Variants in DCC observed in about 807,000 individuals in gnomAD.
The protein encoded by DCC is DCC netrin 1 receptor, also known as netrin receptor DCC.
DCC carries 58 observed loss-of-function variants against 172.5 expected under a neutral mutation model. The ratio of observed to expected loss-of-function variants is 0.34; its 90% confidence interval spans 0.27 to 0.42. DCC has a LOEUF of 0.42. DCC is among the 10% of genes least tolerant of loss of function. DCC has a pLI of 1.00. For synonymous variants in DCC, 709 were observed against 644.5 expected (o/e 1.10, Z -1.52); for missense variants, 1,740 against 1,791.0 (o/e 0.97, Z 0.51).
rs557064781 is a variant in DCC at position 53,047,938 on chromosome 18, T to A, written c.986-15367T>A. Among the ~76,000 whole-genome samples the A allele has an allele frequency of 3.3e-5, 5 of 151,442 alleles. No individual in the cohort carries two copies. In the South Asian group the frequency reaches 8.4e-4, roughly 25 times the overall value. ...GTGTGTGTGTGTGTGTGTGTATAGT[T>A]TATGTATTTAAAATTGTTTTTAATG... is the stretch of plus-strand genomic sequence containing the variant. On this transcript the variant is annotated intron_variant, in intron 5 of 28. Coordinates refer to ENST00000442544, the MANE Select transcript of DCC (RefSeq NM_005215.4).
intron 5 of DCC, among the ~76,000 whole-genome samples, chr18:53,060,077 C>T (rs980163399): frequency 2.0e-5 from 3 of 149,320 alleles, no homozygotes; most frequent in Non-Finnish European, 3.0e-5. Context: ...AATAGCGGCT[C>T]ACTGCAAACT....
intron 5 of DCC, among the ~76,000 whole-genome samples, chr18:52,952,028 T>C (rs2040656404): frequency 6.6e-6 from 1 of 152,158 alleles, no homozygotes; most frequent in African/African-American, 2.4e-5. Context: ...TGTGAGGAAG[T>C]TTATATGATT....
intron 1 of DCC, among the ~76,000 whole-genome samples, chr18:52,685,151 A>G (rs891882975): frequency 1.3e-5 from 2 of 152,180 alleles, no homozygotes; most frequent in Non-Finnish European, 2.9e-5. Context: ...TCTAAGAATT[A>G]AATAATAAAC....
intron 1 of DCC, among the ~76,000 whole-genome samples, chr18:52,509,839 C>G (rs1598875545): frequency 1.3e-5 from 2 of 152,172 alleles, no homozygotes. Context: ...CACGGTGGCT[C>G]ACGTCTGTAA....
At chr18:52,901,143 C>T (rs1350394418) in intron 2 of DCC, among the ~76,000 whole-genome samples, 1 of 151,984 alleles carries the variant, frequency 6.6e-6, no homozygotes, top group Non-Finnish European at 1.5e-5. Context: ...TTAAAAATAA[C>T]CATCATGGGC....
At chr18:52,761,426 G>A (rs1293854822) in intron 2 of DCC, among the ~76,000 whole-genome samples, 2 of 152,174 alleles carry the variant, frequency 1.3e-5, no homozygotes, top group Non-Finnish European at 2.9e-5. Context: ...GTAGAGGTAA[G>A]AGAATAAATC....
intron 7 of DCC, among the ~76,000 whole-genome samples, chr18:53,085,998 C>CTTATTATTATTATTATTATTATTA (rs2042876885): frequency 1.2e-4 from 5 of 40,854 alleles, no homozygotes; most frequent in East Asian, 9.9e-4. Flanking sequence ...TCTCCTTCTC[C>CTTATTATTATTATTATTATTATTA]TTCTTCTCCT....
intron 2 of DCC, among the ~76,000 whole-genome samples, chr18:52,890,950 C>A (rs1038867969): frequency 6.6e-6 from 1 of 151,988 alleles, no homozygotes; most frequent in Non-Finnish European, 1.5e-5. Flanking sequence ...CCTTGAAAAG[C>A]GGAATGACTT....
At chr18:52,562,928 C>T (rs2033072196) in intron 1 of DCC, among the ~76,000 whole-genome samples, 5 of 152,018 alleles carry the variant, frequency 3.3e-5, no homozygotes, top group Non-Finnish European at 5.9e-5. Flanking sequence ...CCGCACCTGG[C>T]GTTAATCATT....
rs557238784 is a variant in DCC, at chr18:53,264,361, C to T, written c.1912-41217C>T. Among the ~76,000 whole-genome samples the T allele has an allele frequency of 7.3e-5, 11 of 151,182 alleles. No individual in the cohort carries two copies. In the South Asian group the frequency reaches 1.5e-3, roughly 20 times the overall value. On this transcript the variant is annotated intron_variant, in intron 12 of 28. Transcript: ENST00000442544. ...AATTAGCCAGACGTGGTGGCGGCTG[C>T]GTGTAATTCCAGCTACTCTGGAGGC...
chr18:53,346,707 A>C (rs1015737352), intron 15 of DCC, among the ~76,000 whole-genome samples: 1 of 152,174 alleles, frequency 6.6e-6, no homozygotes, highest in Non-Finnish European at 1.5e-5. Context: ...CTCTGAGAGC[A>C]TAGTTATAAA....
intron 12 of DCC, among the ~76,000 whole-genome samples, chr18:53,292,358 C>T (rs2057015584): frequency 1.3e-5 from 2 of 152,066 alleles, no homozygotes; most frequent in African/African-American, 4.8e-5. Context: ...TTCTATGGGT[C>T]ATTCATCTGA....
chr18:53,182,065 C>T (rs1189971578), intron 9 of DCC, among the ~76,000 whole-genome samples: 1 of 152,168 alleles, frequency 6.6e-6, no homozygotes, highest in Non-Finnish European at 1.5e-5. Context: ...CCTCACTGGA[C>T]CCAAGTCTCT....
At chr18:52,678,464 A>T (rs1031073628) in intron 1 of DCC, among the ~76,000 whole-genome samples, 1 of 152,152 alleles carries the variant, frequency 6.6e-6, no homozygotes, top group African/African-American at 2.4e-5. Flanking sequence ...TGTTGCCTTT[A>T]AATTTTGAAG....
chr18:53,168,872 G>A (rs2054967139), intron 8 of DCC, among the ~76,000 whole-genome samples: 1 of 152,094 alleles, frequency 6.6e-6, no homozygotes, highest in Admixed American at 6.6e-5. Flanking sequence ...TTCCATGGAG[G>A]TGAGATCTCA....
chr18:52,732,691 A>G (rs763544132), intron 1 of DCC, among the ~76,000 whole-genome samples: 13 of 152,178 alleles, frequency 8.5e-5, no homozygotes, highest in African/African-American at 2.9e-4. Flanking sequence ...TTGAAGTCCA[A>G]TACATTTCAA....
intron 2 of DCC, among the ~76,000 whole-genome samples, chr18:52,754,719 G>C (rs1054942996): frequency 2.0e-5 from 3 of 152,204 alleles, no homozygotes; most frequent in Non-Finnish European, 2.9e-5. Flanking sequence ...ATTTTACCTA[G>C]AGGTAGACTG....
intron 1 of DCC, among the ~76,000 whole-genome samples, chr18:52,703,820 A>G (rs1374964267): frequency 6.6e-6 from 1 of 151,318 alleles, no homozygotes; most frequent in Non-Finnish European, 1.5e-5. Flanking sequence ...AACCTAACAG[A>G]TAAAAGAATG....
At chr18:52,513,619 T>G (rs894842756) in intron 1 of DCC, among the ~76,000 whole-genome samples, 6 of 152,180 alleles carry the variant, frequency 3.9e-5, no homozygotes, top group Non-Finnish European at 7.4e-5. Flanking sequence ...ATGAAGAAAC[T>G]TAATCAACAG....
Sources: gnomAD v4.1 joint callset for allele counts (sites outside exome capture counted in the v4.1 genomes callset) on GRCh38, gnomAD v4.1.1 for gene constraint, MANE v1.5 for transcripts, NCBI Gene and HGNC (gene_info 2026-07-23, HGNC 2026-07-21) for gene names.